Variants in PTPRR observed in about 807,000 individuals in gnomAD.
PTPRR encodes protein tyrosine phosphatase receptor type R.
Under a neutral mutation model 77.2 loss-of-function variants are expected in PTPRR, and 38 were observed. The observed-to-expected ratio is 0.49, with a 90% CI of 0.38 to 0.65. The LOEUF is 0.65. Ranked by LOEUF, PTPRR falls within the 30% of genes least tolerant of loss-of-function variation. The pLI, the probability that PTPRR is intolerant of heterozygous loss-of-function variation, is 0.00. For synonymous variants in PTPRR, 299 were observed against 283.1 expected, an observed-to-expected ratio of 1.06 and a Z score of -0.57; for missense variants, 744 against 799.2, an observed-to-expected ratio of 0.93 and a Z score of 0.83.
At chr12:70,649,873 C>A (rs974366540) in intron 13 of PTPRR, among the ~76,000 whole-genome samples, 2 of 152,142 alleles carry the variant, frequency 1.3e-5, no homozygotes, top group East Asian at 1.9e-4. Context: ...CGTGCCGGGC[C>A]CTTTTCCTCT....
chr12:70,678,499 C>T (rs1262368890), intron 10 of PTPRR, among the ~76,000 whole-genome samples: 3 of 151,988 alleles, frequency 2.0e-5, no homozygotes. Flanking sequence ...TCACCATAGT[C>T]TTTTATAATT....
intron 2 of PTPRR, among the ~76,000 whole-genome samples, chr12:70,790,909 C>T (rs1891411571): frequency 6.6e-6 from 1 of 152,006 alleles, no homozygotes; most frequent in Non-Finnish European, 1.5e-5. Context: ...TCCCTTCTTT[C>T]TCTCACCCTC....
intron 2 of PTPRR, among the ~76,000 whole-genome samples, chr12:70,888,394 C>T (rs574575078): frequency 6.6e-6 from 1 of 152,294 alleles, no homozygotes; most frequent in East Asian, 1.9e-4. Context: ...TTTAATTTCT[C>T]ATATGGACTC....
intron 2 of PTPRR, among the ~76,000 whole-genome samples, chr12:70,852,178 C>G (rs1271746230): frequency 6.6e-6 from 1 of 151,930 alleles, no homozygotes; most frequent in Admixed American, 6.6e-5. Context: ...TTTTTCAAGT[C>G]AAAATCCAAA....
chr12:70,786,211 A>G (rs1891318684), intron 2 of PTPRR, among the ~76,000 whole-genome samples: 2 of 152,200 alleles, frequency 1.3e-5, no homozygotes, highest in Admixed American at 1.3e-4. Context: ...CTCTTCATTC[A>G]TGGAGCTTTT....
chr12:70,721,284 T>C (rs1032268175), intron 6 of PTPRR, among the ~76,000 whole-genome samples: 14 of 152,172 alleles, frequency 9.2e-5, no homozygotes, highest in Admixed American at 2.0e-4. Context: ...CAGTCAACAT[T>C]GCACATATAT....
At chr12:70,737,536 T>TCTA (rs1889911592) in intron 6 of PTPRR, among the ~76,000 whole-genome samples, 1 of 113,072 alleles carries the variant, frequency 8.8e-6, no homozygotes, top group Non-Finnish European at 1.9e-5. Flanking sequence ...CTATCTATCT[T>TCTA]TCGAGACAAA....
intron 5 of PTPRR, among the ~76,000 whole-genome samples, chr12:70,752,501 A>G (rs969414105): frequency 5.9e-5 from 9 of 152,184 alleles, no homozygotes; most frequent in Admixed American, 2.0e-4. Context: ...CATTCAGTAC[A>G]TGAGCACGCC....
chr12:70,833,167 G>A (rs1892244235), intron 2 of PTPRR, among the ~76,000 whole-genome samples: 1 of 152,110 alleles, frequency 6.6e-6, no homozygotes, highest in Non-Finnish European at 1.5e-5. Flanking sequence ...ACCATATGAG[G>A]CAGGGACTTT....
chr12:70,920,270 C>G, intron 1 of PTPRR, 63 bp downstream of exon 1: 1 of 1,535,872 alleles, frequency 6.5e-7, no homozygotes. Context: ...TCCTAGAGTC[C>G]TTAAGCATGT....
chr12:70,772,933 C>G (rs1186010855), intron 2 of PTPRR, among the ~76,000 whole-genome samples: 1 of 152,070 alleles, frequency 6.6e-6, no homozygotes, highest in Admixed American at 6.6e-5. Flanking sequence ...GGCTGGAAGT[C>G]TGAATCAAAG....
chr12:70,833,183 G>A (rs1200827257), intron 2 of PTPRR, among the ~76,000 whole-genome samples: 1 of 152,112 alleles, frequency 6.6e-6, no homozygotes, highest in African/African-American at 2.4e-5. Flanking sequence ...ACTTTGAGGG[G>A]AGATGGACTT....
intron 1 of PTPRR, among the ~76,000 whole-genome samples, chr12:70,898,916 G>C (rs1057454345): frequency 1.3e-5 from 2 of 151,308 alleles, no homozygotes; most frequent in Admixed American, 6.6e-5. Flanking sequence ...GACTTAGCAA[G>C]TGTAAAAATG....
chr12:70,823,037 C>T (rs569854679), intron 2 of PTPRR, among the ~76,000 whole-genome samples: 1 of 151,292 alleles, frequency 6.6e-6, no homozygotes, highest in Non-Finnish European at 1.5e-5. Flanking sequence ...GTTTTGCTTT[C>T]TTTGCCTTTC....
chr12:70,705,576 T>C (rs751171004), intron 6 of PTPRR, among the ~76,000 whole-genome samples: 1 of 152,194 alleles, frequency 6.6e-6, no homozygotes, highest in Non-Finnish European at 1.5e-5. Context: ...CTTTTGAAAC[T>C]GTTGGATTAT....
At chr12:70,866,721 C>T (rs1892857488) in intron 2 of PTPRR, among the ~76,000 whole-genome samples, 1 of 152,116 alleles carries the variant, frequency 6.6e-6, no homozygotes, top group African/African-American at 2.4e-5. Flanking sequence ...CTGGCAGAGA[C>T]ACAACCAAAA....
At chr12:70,748,875 C>T (rs2136935861) in intron 5 of PTPRR, among the ~76,000 whole-genome samples, 1 of 152,252 alleles carries the variant, frequency 6.6e-6, no homozygotes, top group Non-Finnish European at 1.5e-5. Context: ...CTACTACATT[C>T]CATAAACAAG....
chr12:70,897,047 A>C (rs905656466), intron 1 of PTPRR, among the ~76,000 whole-genome samples: 2 of 151,874 alleles, frequency 1.3e-5, no homozygotes, highest in African/African-American at 4.8e-5. Flanking sequence ...AGGTAGCGTG[A>C]TGCCTCCAGC....
chr12:70,639,937 C>T (rs531913614), intron 13 of PTPRR, among the ~76,000 whole-genome samples: 16 of 152,104 alleles, frequency 1.1e-4, no homozygotes, highest in Admixed American at 6.5e-4. Flanking sequence ...TTTTGGTGTA[C>T]GGGGTGTCTA....
Sources: gnomAD v4.1 joint callset for allele counts (sites outside exome capture counted in the v4.1 genomes callset) on GRCh38, gnomAD v4.1.1 for gene constraint, MANE v1.5 for transcripts, NCBI Gene and HGNC (gene_info 2026-07-23, HGNC 2026-07-21) for gene names.